Variants in RALB observed in about 807,000 individuals in gnomAD.
RALB encodes the protein ras-related protein Ral-B.
RALB carries 16 observed loss-of-function variants against 21.3 expected under a neutral mutation model. That is an observed-to-expected ratio of 0.75 (90% CI 0.51 to 1.14). RALB has a LOEUF of 1.14. Among genes scored for constraint, RALB ranks in the 50% most tolerant of loss-of-function variants. The probability of loss-of-function intolerance (pLI) is 0.00; values close to 1 mark genes in which losing one functional copy is unlikely to be tolerated. For synonymous variants in RALB, 93 were observed against 96.1 expected (o/e 0.97, Z 0.19); for missense variants, 161 against 256.2 (o/e 0.63, Z 2.54).
chr2:120,284,548 A>G (rs960727004), intron 2 of RALB, among the ~76,000 whole-genome samples: 6 of 152,158 alleles, frequency 3.9e-5, no homozygotes, highest in Non-Finnish European at 8.8e-5. Flanking sequence ...ACAGGTGTGC[A>G]CCACCATACC....
intron 1 of RALB, among the ~76,000 whole-genome samples, chr2:120,262,632 T>C (rs899419190): frequency 6.6e-6 from 1 of 152,094 alleles, no homozygotes; most frequent in Non-Finnish European, 1.5e-5. Context: ...CAAACGTGGC[T>C]GGGGAGGTGG....
chr2:120,294,415 A>G lies in RALB; in HGVS notation c.*1155A>G. The G allele has an allele frequency of 2.5e-6, 1 of 397,632 alleles. No individual in the cohort carries two copies. The highest frequency in any genetic ancestry group is 1.4e-4 in the South Asian group (1 of 7,042). The allele number at this position is 397,632 out of a possible 1,614,324, so 24.6% of individuals were successfully genotyped here. On this transcript the variant is annotated 3_prime_UTR_variant, in exon 5 of 5. Transcript: ENST00000272519. ...GATAGTTAGAAAAAGATTTTCATTG[A>G]TGACATATCTTTAAACTTTCTTGCA...
At chr2:120,264,059 G>A (rs1689437542) in intron 1 of RALB, among the ~76,000 whole-genome samples, 1 of 151,890 alleles carries the variant, frequency 6.6e-6, no homozygotes, top group African/African-American at 2.4e-5. Flanking sequence ...ATGTTGGCCA[G>A]GTTGGGCTCG....
At chr2:120,291,452 T>A (rs1265659394) in intron 4 of RALB, among the ~76,000 whole-genome samples, 1 of 152,140 alleles carries the variant, frequency 6.6e-6, no homozygotes, top group East Asian at 1.9e-4. Context: ...TCAGGGAGAC[T>A]CTCTCAGCTT....
intron 1 of RALB, among the ~76,000 whole-genome samples, chr2:120,244,083 G>A (rs1688932930): frequency 6.6e-6 from 1 of 152,192 alleles, no homozygotes; most frequent in Non-Finnish European, 1.5e-5. Context: ...ATGGCAACAG[G>A]AGACAGAGAG....
Position 120,294,204 on chromosome 2 carries a change from C to T in RALB, c.*944C>T, listed in dbSNP as rs1017515523. 6 of 398,462 alleles carry T rather than the reference C, an allele frequency of 1.5e-5. No homozygotes were observed. The highest frequency in any genetic ancestry group is 2.7e-5 in the Non-Finnish European group (6 of 226,072). The allele number at this position is 398,462 out of a possible 1,614,324, so 24.7% of individuals were successfully genotyped here. A position where few individuals can be genotyped will look rare whatever the true frequency, so the allele number is the denominator to read the frequency against. ...GTGTCACACACACTCTTCCCAAAGA[C>T]GTGATGAGTTAAAGTTGTATTCTGA... is the stretch of plus-strand genomic sequence containing the variant. On this transcript the variant is annotated 3_prime_UTR_variant, in exon 5 of 5. Coordinates refer to ENST00000272519, the MANE Select transcript of RALB (RefSeq NM_002881.3).
chr2:120,277,812 TGA>T lies in RALB; in HGVS notation c.-47-802_-47-801del, dbSNP rs1334617843. The stretch of plus-strand genomic sequence containing the variant: ...GCCTGTGATAGTGTGTGAGAGCGTG[TGA>T]GAGCAAGTGTGTGAATATGTGTGTT... On this transcript the variant is annotated intron_variant, in intron 1 of 4. Transcript: ENST00000272519. 6.6e-5 allele frequency among the ~76,000 whole-genome samples: 10 copies of T among 150,754 alleles called. No individual in the cohort carries two copies. In the South Asian group the frequency reaches 1.7e-3, roughly 26 times the overall value.
intron 1 of RALB, among the ~76,000 whole-genome samples, chr2:120,272,971 AAC>A (rs1224925182): frequency 2.6e-5 from 4 of 152,200 alleles, no homozygotes; most frequent in African/African-American, 9.6e-5. Context: ...AGAAAAAACA[AAC>A]ACAACAGTGG....
At chr2:120,280,794 C>T (rs1689971003) in intron 2 of RALB, 2 of 363,986 alleles carry the variant, frequency 5.5e-6, no homozygotes, top group Non-Finnish European at 1.1e-5. Flanking sequence ...TTTCATTAAC[C>T]ATGCTAAAGG....
intron 1 of RALB, among the ~76,000 whole-genome samples, chr2:120,270,233 T>C (rs1689627902): frequency 6.6e-6 from 1 of 152,264 alleles, no homozygotes; most frequent in African/African-American, 2.4e-5. Context: ...TTTTAGCTGT[T>C]GAATTAAACA....
intron 1 of RALB, among the ~76,000 whole-genome samples, chr2:120,258,587 G>A (rs1416777562): frequency 6.6e-6 from 1 of 152,352 alleles, no homozygotes; most frequent in East Asian, 1.9e-4. Flanking sequence ...AGGGCTGTGT[G>A]GAGAACAGAT....
intron 1 of RALB, among the ~76,000 whole-genome samples, chr2:120,257,579 T>C (rs376312211): frequency 2.6e-5 from 4 of 152,346 alleles, no homozygotes; most frequent in South Asian, 4.1e-4. Context: ...TTGATCATGT[T>C]AAATTGCAAC....
intron 4 of RALB, 128 bp downstream of exon 4, chr2:120,289,885 C>G (rs1012108956): frequency 5.9e-6 from 5 of 842,552 alleles, no homozygotes; most frequent in Non-Finnish European, 8.9e-6. Context: ...CTATGAATGT[C>G]TAAGCCATTA....
At chr2:120,249,158 G>A (rs1282531622), upstream of RALB, among the ~76,000 whole-genome samples, 2 of 151,276 alleles carry the variant, frequency 1.3e-5, no homozygotes, top group African/African-American at 4.9e-5. Context: ...TCAGCCTCCC[G>A]AGTAGCTGGG....
intron 1 of RALB, among the ~76,000 whole-genome samples, chr2:120,245,311 T>C (rs1386373680): frequency 6.6e-6 from 1 of 152,174 alleles, no homozygotes; most frequent in African/African-American, 2.4e-5. Flanking sequence ...AGCTGCGTGA[T>C]TTTGGAAAGA....
At chr2:120,240,211 G>C in intron 1 of RALB, 1 of 1,250,276 alleles carries the variant, frequency 8.0e-7, no homozygotes, top group Non-Finnish European at 1.0e-6. Context: ...ATTTGCCAAA[G>C]GAAGCTCAGA....
chr2:120,272,161 G>C (rs1005519637), intron 1 of RALB, among the ~76,000 whole-genome samples: 2 of 152,186 alleles, frequency 1.3e-5, no homozygotes, highest in Admixed American at 1.3e-4. Context: ...AGAGATACCT[G>C]AGCTGCCTTC....
intron 1 of RALB, among the ~76,000 whole-genome samples, chr2:120,240,380 A>T (rs1376572556): frequency 1.3e-5 from 2 of 151,206 alleles, no homozygotes; most frequent in Non-Finnish European, 2.9e-5. Flanking sequence ...CACCTCCCAG[A>T]TTCAAGTGGT....
intron 1 of RALB, among the ~76,000 whole-genome samples, chr2:120,277,550 GAA>G (rs1689840215): frequency 6.6e-6 from 1 of 152,076 alleles, no homozygotes; most frequent in Admixed American, 6.6e-5. Context: ...GTGTGTGTGT[GAA>G]AGCGTGAGTG....
Sources: gnomAD v4.1 joint callset for allele counts (sites outside exome capture counted in the v4.1 genomes callset) on GRCh38, gnomAD v4.1.1 for gene constraint, MANE v1.5 for transcripts, NCBI Gene and HGNC (gene_info 2026-07-23, HGNC 2026-07-21) for gene names.